GGT5: variants seen among roughly 807,000 people sequenced by gnomAD.
The protein encoded by GGT5 is gamma-glutamyltransferase 5, also known as glutathione hydrolase 5 proenzyme.
Under a neutral mutation model 58.1 loss-of-function variants are expected in GGT5, and 50 were observed. The observed-to-expected ratio is 0.86, with a 90% confidence interval of 0.69 to 1.09. GGT5 has a LOEUF of 1.09. Among genes scored for constraint, GGT5 ranks in the 50% least tolerant of loss-of-function variants. The probability of loss-of-function intolerance (pLI) is 0.00; values close to 1 mark genes in which losing one functional copy is unlikely to be tolerated. For missense variants in GGT5, 800 were observed against 789.4 expected (o/e 1.01, Z -0.16); for synonymous variants, 370 against 346.1 (o/e 1.07, Z -0.77).
rs374513263 is a variant in GGT5 at position 24,226,203 on chromosome 22, G to C, written c.1102C>G (p.Arg368Gly). 1.9e-6 allele frequency: 3 copies of C among 1,609,514 alleles called. No individual in the cohort carries two copies. Among genetic ancestry groups the C allele is most frequent in the Non-Finnish European group, 2.5e-6 (3 of 1,179,838 alleles). ...AQLIRQQIDG[R>G]GDHQLSHYSL... ...TAGTGGCTGAGCTGGTGGTCCCCCCGGCCATCGATCTGTTGGCGGATGAGC... is the reference window on the plus strand; with the variant it reads ...TAGTGGCTGAGCTGGTGGTCCCCCCCGCCATCGATCTGTTGGCGGATGAGC... Residue 368 changes from arginine to glycine, a missense_variant, in exon 8 of 12, where the codon CGG becomes GGG. Physicochemically the swap from Arg to Gly is moderately radical, Grantham distance 125 (BLOSUM62 -2). Transcript: ENST00000327365.
At chr22:24,231,577 C>T (rs749641676) in intron 5 of GGT5, 47 bp from the exon 6 acceptor site, 20 of 1,559,386 alleles carry the variant, frequency 1.3e-5, no homozygotes, top group African/African-American at 5.4e-5. Flanking sequence ...GAAACTGAGG[C>T]GGGGAGGAAT....
At chr22:24,223,754 C>CTTTTTTT (rs898258352) in intron 11 of GGT5, among the ~76,000 whole-genome samples, 6 of 79,484 alleles carry the variant, frequency 7.5e-5, no homozygotes, top group African/African-American at 1.0e-4. Flanking sequence ...TGCTATCAAT[C>CTTTTTTT]TTTTTTTTTT....
Position 24,233,519 on chromosome 22 carries a change from G to C in GGT5, c.379C>G (p.Gln127Glu). ...HAPSLLDQCA[Q>E]ALPLGTGAQW... ...TCACCTGTGCCCAGTGGCAGAGCCT[G>C]TGCACACTGGTCCAGCAGGCTCGGG... Residue 127 changes from glutamine to glutamate, a missense_variant, in exon 3 of 12, where the codon CAG (glutamine) becomes GAG (glutamate). Gln to Glu is a conservative substitution (Grantham distance 29). Coordinates refer to ENST00000327365, the MANE Select transcript of GGT5 (RefSeq NM_004121.5). 6.2e-7 allele frequency: 1 copy of C among 1,606,652 alleles called. No homozygotes were observed. The highest frequency in any genetic ancestry group is 1.3e-5 in the African/African-American group (1 of 74,870).
At chr22:24,231,941 C>T in intron 5 of GGT5, 110 bp downstream of exon 5, 1 of 913,058 alleles carries the variant, frequency 1.1e-6, no homozygotes, top group Non-Finnish European at 1.7e-6. Flanking sequence ...GTCCCGGGCA[C>T]TGCCTGCACT....
At chr22:24,223,209 C>T (rs188816629) in intron 11 of GGT5, among the ~76,000 whole-genome samples, 331 of 152,268 alleles carry the variant, frequency 2.2e-3, no homozygotes, top group Non-Finnish European at 4.0e-3. Flanking sequence ...CAAGACCAGC[C>T]TGGCCAACAT....
At chr22:24,225,175 C>G (rs2047712840) in intron 10 of GGT5, 69 bp from the exon 11 acceptor site, 1 of 1,585,662 alleles carries the variant, frequency 6.3e-7, no homozygotes, top group African/African-American at 1.3e-5. Context: ...CCTCACATCC[C>G]CACTCCAGAG....
chr22:24,229,013 C>T (rs113887465), intron 6 of GGT5, among the ~76,000 whole-genome samples: 6,024 of 151,612 alleles, frequency 0.04, 395 homozygotes, highest in African/African-American at 0.14. Context: ...TCGCTTGAAC[C>T]GGGAGGCAGA....
intron 1 of GGT5, among the ~76,000 whole-genome samples, chr22:24,235,784 A>G (rs2048078605): frequency 6.6e-6 from 1 of 152,162 alleles, no homozygotes; most frequent in Non-Finnish European, 1.5e-5. Flanking sequence ...TGCTTCCCCA[A>G]CCTGTCTGCT....
chr22:24,231,051 A>C (rs368446390), intron 6 of GGT5, among the ~76,000 whole-genome samples: 11 of 152,244 alleles, frequency 7.2e-5, no homozygotes, highest in African/African-American at 2.6e-4. Context: ...TCGCTCCCCC[A>C]GGTGCACGCC....
In GGT5 at chr22:24,219,750, A is replaced by ACATCTAGATGCATC. The variant is rs2047534225; in HGVS notation, c.*219_*220insGATGCATCTAGATG. The ACATCTAGATGCATC allele has an allele frequency of 1.8e-6, 1 of 565,046 alleles. No homozygotes were observed. The highest frequency in any genetic ancestry group is 1.9e-5 in the African/African-American group (1 of 53,096). The allele number at this position is 565,046 out of a possible 1,614,324, so 35.0% of individuals were successfully genotyped here. A position where few individuals can be genotyped will look rare whatever the true frequency, so the allele number is the denominator to read the frequency against. On this transcript the variant is annotated 3_prime_UTR_variant, in exon 12 of 12. Coordinates refer to ENST00000327365, the MANE Select transcript of GGT5 (RefSeq NM_004121.5). The stretch of plus-strand genomic sequence containing the variant: ...AGGCAAGAGGCCTGCGGAGGGATAG[A>ACATCTAGATGCATC]GGGGCCGGTTCAGGACCACCAGGGG...
At chr22:24,241,606 G>A (rs1231772044) in intron 1 of GGT5, 1 of 152,160 alleles carries the variant, frequency 6.6e-6, no homozygotes, top group East Asian at 1.9e-4. Flanking sequence ...CTCCCAGCAA[G>A]ATATTGACAA....
At chr22:24,228,131 G>A (rs746996471) in intron 6 of GGT5, among the ~76,000 whole-genome samples, 17 of 148,292 alleles carry the variant, frequency 1.1e-4, no homozygotes, top group East Asian at 2.0e-4. Context: ...CAGGACTCTC[G>A]TGCACAAGTG....
intron 3 of GGT5, 69 bp downstream of exon 3, chr22:24,233,429 T>C: frequency 1.2e-6 from 1 of 844,014 alleles, no homozygotes; most frequent in Non-Finnish European, 1.9e-6. Context: ...CGCTGCTCCT[T>C]TGCGGGGGTG....
At chr22:24,233,741 G>A in intron 2 of GGT5, 133 bp downstream of exon 2, 1 of 954,890 alleles carries the variant, frequency 1.0e-6, no homozygotes. Context: ...GCACAGCTGA[G>A]GCAAATGGGG....
chr22:24,237,828 G>T (rs1046053214), intron 1 of GGT5, among the ~76,000 whole-genome samples: 7 of 152,142 alleles, frequency 4.6e-5, no homozygotes, highest in Non-Finnish European at 1.0e-4. Flanking sequence ...AGGTCCATAG[G>T]ATCTCCAGAT....
chr22:24,225,841 C>T (rs977377508), intron 8 of GGT5, among the ~76,000 whole-genome samples, 189 bp from the exon 9 acceptor site: 6 of 152,168 alleles, frequency 3.9e-5, no homozygotes, highest in Admixed American at 6.5e-5. Flanking sequence ...CATCAGGGCA[C>T]CCTTCTGAGT....
intron 1 of GGT5, chr22:24,244,034 T>C (rs2048394332): frequency 6.5e-6 from 1 of 154,170 alleles, no homozygotes; most frequent in Admixed American, 6.4e-5. Context: ...AGAATTGGCC[T>C]CACTGAAGGG....
intron 1 of GGT5, among the ~76,000 whole-genome samples, chr22:24,240,364 G>A (rs1601432081): frequency 1.3e-5 from 2 of 151,962 alleles, no homozygotes; most frequent in East Asian, 1.9e-4. Context: ...ACTTTTAAAA[G>A]GACAATCAAT....
chr22:24,232,112 G>T lies in GGT5; in HGVS notation c.693C>A (p.Gly231=), dbSNP rs745447492. The change falls in exon 5 of 12, where the codon GGC becomes GGA. Residue 231 remains glycine, a synonymous_variant. Transcript: ENST00000327365. The part of the protein sequence containing the change: ...ATTLETVATE[G]VEVFYTGRLG... Reference sequence around the variant, plus strand: ...GCCTCCCCGTGTAGAAGACCTCCACGCCCTCTGTGGCCACGGTCTCCAGGG... The same window carrying T: ...GCCTCCCCGTGTAGAAGACCTCCACTCCCTCTGTGGCCACGGTCTCCAGGG... The T allele has an allele frequency of 1.9e-6, 3 of 1,611,220 alleles. No homozygotes were observed. Among genetic ancestry groups the T allele is most frequent in the Non-Finnish European group, 2.5e-6 (3 of 1,178,160 alleles).
Sources: gnomAD v4.1 joint callset for allele counts (sites outside exome capture counted in the v4.1 genomes callset) on GRCh38, gnomAD v4.1.1 for gene constraint, MANE v1.5 for transcripts, NCBI Gene and HGNC (gene_info 2026-07-23, HGNC 2026-07-21) for gene names.